SLIT2: variants seen among roughly 807,000 people sequenced by gnomAD.
SLIT2 encodes the protein slit homolog 2 protein.
Under a neutral mutation model 185.7 loss-of-function variants are expected in SLIT2, and 41 were observed. The observed-to-expected ratio is 0.22, with a 90% confidence interval of 0.17 to 0.29. The LOEUF is 0.29. Among genes scored for constraint, SLIT2 ranks in the 10% least tolerant of loss-of-function variants. The pLI is 1.00. For synonymous variants in SLIT2, 693 were observed against 680.2 expected, an observed-to-expected ratio of 1.02 and a Z score of -0.29; for missense variants, 1,571 against 1,909.0, an observed-to-expected ratio of 0.82 and a Z score of 3.30.
At chr4:20,352,880 T>A (rs1722003627) in intron 4 of SLIT2, among the ~76,000 whole-genome samples, 2 of 152,158 alleles carry the variant, frequency 1.3e-5, no homozygotes, top group South Asian at 4.1e-4. Context: ...GTCACTGCAA[T>A]CCAGCCTGAA....
chr4:20,467,628 A>G (rs945470561), intron 4 of SLIT2, 124 bp from the exon 5 acceptor site: 5 of 511,714 alleles, frequency 9.8e-6, no homozygotes, highest in Middle Eastern at 5.4e-4. Context: ...TATGGATTTA[A>G]TTATGATCCT....
chr4:20,597,260 G>T (rs1290040983), intron 32 of SLIT2, among the ~76,000 whole-genome samples: 1 of 151,908 alleles, frequency 6.6e-6, no homozygotes, highest in South Asian at 2.1e-4. Context: ...TAGAGACAGG[G>T]TTTCACCATG....
intron 4 of SLIT2, among the ~76,000 whole-genome samples, chr4:20,313,009 T>C (rs1718259576): frequency 6.6e-6 from 1 of 152,164 alleles, no homozygotes; most frequent in South Asian, 2.1e-4. Context: ...TATGATTGGG[T>C]TAACTGTTTC....
intron 4 of SLIT2, among the ~76,000 whole-genome samples, chr4:20,359,768 G>A (rs1722595914): frequency 6.6e-6 from 1 of 152,092 alleles, no homozygotes; most frequent in African/African-American, 2.4e-5. Flanking sequence ...AAATGTGGGG[G>A]AAGTAAGGAA....
At chr4:20,613,277 A>T (rs4624649) in intron 34 of SLIT2, among the ~76,000 whole-genome samples, 5 of 152,242 alleles carry the variant, frequency 3.3e-5, no homozygotes, top group African/African-American at 1.2e-4. Context: ...TCTAGACTGG[A>T]TAAAGAAAAT....
chr4:20,373,841 A>AT (rs1723793078), intron 4 of SLIT2, among the ~76,000 whole-genome samples: 1 of 152,088 alleles, frequency 6.6e-6, no homozygotes, highest in Non-Finnish European at 1.5e-5. Context: ...GGCACAGTCC[A>AT]TCCCAGGGAA....
At chr4:20,571,376 G>A (rs1199713481) in intron 29 of SLIT2, among the ~76,000 whole-genome samples, 1 of 152,188 alleles carries the variant, frequency 6.6e-6, no homozygotes, top group African/African-American at 2.4e-5. Flanking sequence ...TGTGGGCCAT[G>A]AAGAGTTTGA....
chr4:20,375,976 A>G (rs1723981936), intron 4 of SLIT2, among the ~76,000 whole-genome samples: 2 of 152,012 alleles, frequency 1.3e-5, no homozygotes, highest in Admixed American at 1.3e-4. Flanking sequence ...CATTTTATAA[A>G]TTTAAGCAGT....
intron 9 of SLIT2, among the ~76,000 whole-genome samples, chr4:20,498,243 G>A (rs1025076574): frequency 4.6e-5 from 7 of 151,860 alleles, no homozygotes; most frequent in African/African-American, 1.7e-4. Flanking sequence ...AATATAGAAG[G>A]GGAAAAAGTA....
At chr4:20,594,116 TACACATGTGCATATATATACATATATAC>T (rs1244937734) in intron 30 of SLIT2, among the ~76,000 whole-genome samples, 1 of 149,730 alleles carries the variant, frequency 6.7e-6, no homozygotes, top group Non-Finnish European at 1.5e-5. Context: ...CACATATATA[TACACATGTGCATATATATACATATATAC>T]ACACATACAT....
chr4:20,540,275 G>A (rs139479761), intron 19 of SLIT2, among the ~76,000 whole-genome samples: 2,299 of 150,628 alleles, frequency 0.015, 64 homozygotes, highest in African/African-American at 0.052. Context: ...ATGACAGAGC[G>A]AGACTCCATC....
At chr4:20,594,160 TG>T (rs1727762941) in intron 30 of SLIT2, among the ~76,000 whole-genome samples, 1 of 149,084 alleles carries the variant, frequency 6.7e-6, no homozygotes, top group Non-Finnish European at 1.5e-5. Flanking sequence ...TACATATGTA[TG>T]TGTGTATATA....
rs145337137 is a variant in SLIT2, at chr4:20,370,142, AC to A, written c.396-97605del. Among the ~76,000 whole-genome samples, 1,450 of 151,874 alleles carry A rather than the reference AC, an allele frequency of 9.5e-3. 22 individuals carry two copies. Among genetic ancestry groups the A allele is most frequent in the East Asian group, 0.08 (409 of 5,104 alleles). ...ATTTGTGATCTGATAAAGTTTGAGA[AC>A]CCCCTACCTTACATCATATCTGCCA... is the stretch of plus-strand genomic sequence containing the variant. On this transcript the variant is annotated intron_variant, in intron 4 of 36. Transcript: ENST00000504154.
chr4:20,390,848 T>C (rs889317696), intron 4 of SLIT2, among the ~76,000 whole-genome samples: 8 of 151,860 alleles, frequency 5.3e-5, no homozygotes, highest in African/African-American at 1.7e-4. Flanking sequence ...TTTTACTTCA[T>C]TGTAAATTAC....
intron 7 of SLIT2, among the ~76,000 whole-genome samples, chr4:20,487,457 A>C (rs1015705959): frequency 6.6e-6 from 1 of 152,218 alleles, no homozygotes; most frequent in African/African-American, 2.4e-5. Flanking sequence ...AATTTTTGAC[A>C]GTGTCCCTTA....
chr4:20,356,738 T>C lies in SLIT2; in HGVS notation c.395+87857T>C, dbSNP rs547080425. Reference sequence around the variant, plus strand: ...AATGGATCTCTGCCAGTGTTAGCCATTGTTTCAGTTGCCTGTGGCTGCTCA... The same window carrying C: ...AATGGATCTCTGCCAGTGTTAGCCACTGTTTCAGTTGCCTGTGGCTGCTCA... On this transcript the variant is annotated intron_variant, in intron 4 of 36. Coordinates refer to ENST00000504154, the MANE Select transcript of SLIT2 (RefSeq NM_004787.4). Among the ~76,000 whole-genome samples the C allele has an allele frequency of 9.8e-5, 15 of 152,296 alleles. No homozygotes were observed. In the East Asian group the frequency reaches 2.9e-3, roughly 29 times the overall value.
At chr4:20,600,198 A>G (rs1384153441) in intron 33 of SLIT2, among the ~76,000 whole-genome samples, 4 of 152,012 alleles carry the variant, frequency 2.6e-5, no homozygotes, top group Non-Finnish European at 5.9e-5. Context: ...CAGAACTCTC[A>G]GAAGCCATAG....
intron 4 of SLIT2, among the ~76,000 whole-genome samples, chr4:20,376,011 T>G (rs1723984919): frequency 6.6e-6 from 1 of 151,310 alleles, no homozygotes; most frequent in African/African-American, 2.4e-5. Context: ...AGGAATTTAT[T>G]CAAAAACAAT....
intron 4 of SLIT2, among the ~76,000 whole-genome samples, chr4:20,376,986 C>T (rs1302832590): frequency 2.6e-5 from 4 of 151,606 alleles, no homozygotes; most frequent in Admixed American, 1.3e-4. Context: ...CAGACCTGCA[C>T]GTTGTGCACA....
Sources: gnomAD v4.1 joint callset for allele counts (sites outside exome capture counted in the v4.1 genomes callset) on GRCh38, gnomAD v4.1.1 for gene constraint, MANE v1.5 for transcripts, NCBI Gene and HGNC (gene_info 2026-07-23, HGNC 2026-07-21) for gene names.